Variants in ASTN2 observed in about 807,000 individuals in gnomAD.
The protein encoded by ASTN2 is astrotactin 2.
Under a neutral mutation model 139.8 loss-of-function variants are expected in ASTN2, and 54 were observed. That is an observed-to-expected ratio of 0.39 (90% CI 0.31 to 0.48). The LOEUF (loss-of-function observed/expected upper bound fraction) is 0.48, where lower values mean the gene tolerates loss of function less well. Ranked by LOEUF, ASTN2 falls within the 20% of genes least tolerant of loss-of-function variation. ASTN2 has a pLI of 0.95. For synonymous variants in ASTN2, 756 were observed against 719.5 expected (o/e 1.05, Z -0.81); for missense variants, 1,565 against 1,725.1 (o/e 0.91, Z 1.64).
At chr9:116,579,878 G>A (rs1334738300) in intron 19 of ASTN2, among the ~76,000 whole-genome samples, 1 of 152,050 alleles carries the variant, frequency 6.6e-6, no homozygotes, top group Non-Finnish European at 1.5e-5. Context: ...CTGGAGTGCA[G>A]TGGCGCGATC....
intron 16 of ASTN2, among the ~76,000 whole-genome samples, chr9:116,655,685 C>T (rs528024437): frequency 7.2e-5 from 11 of 152,068 alleles, no homozygotes; most frequent in Non-Finnish European, 1.2e-4. Flanking sequence ...ATGCCACTAA[C>T]GTACACCAAG....
chr9:116,524,277 C>G (rs1364032560), intron 19 of ASTN2, among the ~76,000 whole-genome samples: 2 of 152,114 alleles, frequency 1.3e-5, no homozygotes, highest in Non-Finnish European at 2.9e-5. Context: ...TATAGACTTA[C>G]CTAATAGGTG....
At chr9:116,440,911 A>G in intron 21 of ASTN2, 119 bp from the exon 22 acceptor site, 1 of 998,572 alleles carries the variant, frequency 1.0e-6, no homozygotes, top group South Asian at 1.7e-5. Flanking sequence ...AAGCTCTGGG[A>G]GCAGACAAAC....
At position 116,995,792 on chromosome 9, in the gene ASTN2, C is replaced by A. The variant is rs1416709323; in HGVS notation, c.1591+12300G>T. Among the ~76,000 whole-genome samples the A allele has an allele frequency of 3.3e-5, 5 of 152,130 alleles. No individual in the cohort carries two copies. The East Asian group carries it at 9.6e-4, about 29-fold the overall frequency. On this transcript the variant is annotated intron_variant, in intron 7 of 22. Coordinates refer to ENST00000313400, the MANE Select transcript of ASTN2 (RefSeq NM_001365068.1). ...ATGAGACGATAACACTATTTCATTA[C>A]ATTAATTCTAAGGCATGCAACTTCT... is the stretch of plus-strand genomic sequence containing the variant.
intron 10 of ASTN2, among the ~76,000 whole-genome samples, chr9:116,888,165 G>A (rs1387933486): frequency 1.3e-5 from 2 of 152,134 alleles, no homozygotes; most frequent in Non-Finnish European, 2.9e-5. Context: ...CAGATTGGGA[G>A]GCTGAGGTGG....
chr9:117,412,026 C>T (rs1410907097), intron 1 of ASTN2, among the ~76,000 whole-genome samples: 1 of 148,010 alleles, frequency 6.8e-6, no homozygotes, highest in African/African-American at 2.5e-5. Context: ...CAACCCCCAG[C>T]GGGCACCAAC....
chr9:116,604,269 G>A (rs767469059), intron 19 of ASTN2, among the ~76,000 whole-genome samples: 1 of 152,100 alleles, frequency 6.6e-6, no homozygotes, highest in Non-Finnish European at 1.5e-5. Context: ...TGGGTGGCAT[G>A]GGGGAATGAA....
At chr9:116,454,146 C>T (rs10817892) in intron 20 of ASTN2, among the ~76,000 whole-genome samples, 28,676 of 152,158 alleles carry the variant, frequency 0.19, 3,470 homozygotes, top group Admixed American at 0.35. Context: ...ACAATGAATT[C>T]TATAAGGTGG....
intron 3 of ASTN2, among the ~76,000 whole-genome samples, chr9:117,151,506 A>G (rs1012366558): frequency 1.3e-5 from 2 of 152,178 alleles, no homozygotes; most frequent in Admixed American, 6.5e-5. Flanking sequence ...TTAGTGGAAG[A>G]GGGAGGTAAA....
intron 20 of ASTN2, among the ~76,000 whole-genome samples, chr9:116,464,630 A>G (rs1848596937): frequency 6.6e-6 from 1 of 152,208 alleles, no homozygotes; most frequent in South Asian, 2.1e-4. Flanking sequence ...TGCATGTTGC[A>G]TATATGGGAG....
intron 13 of ASTN2, among the ~76,000 whole-genome samples, chr9:116,768,200 T>C (rs1346832676): frequency 1.3e-5 from 2 of 152,102 alleles, no homozygotes; most frequent in African/African-American, 4.8e-5. Flanking sequence ...GATTCCAATT[T>C]CTCACCACTC....
chr9:116,699,247 C>T lies in ASTN2; in HGVS notation c.2806+26524G>A. Reference sequence around the variant, plus strand: ...TGGTGTTTCACAGTTGATCGAGGATCAGGGGTGGTCAAATACAGCTGCCTA... The same window carrying T: ...TGGTGTTTCACAGTTGATCGAGGATTAGGGGTGGTCAAATACAGCTGCCTA... On this transcript the variant is annotated intron_variant, in intron 16 of 22. Transcript: ENST00000313400. The surrounding 1 kb of genome is among the most constrained non-coding windows in gnomAD (Gnocchi z 4.2). 1 of 1,614,224 alleles carries T rather than the reference C, an allele frequency of 6.2e-7. No homozygotes were observed. Among genetic ancestry groups the T allele is most frequent in the South Asian group, 1.1e-5 (1 of 91,090 alleles).
chr9:117,391,390 G>A lies in ASTN2; in HGVS notation c.442+23107C>T, dbSNP rs145610798. Among the ~76,000 whole-genome samples the A allele has an allele frequency of 1.6e-3, 238 of 152,280 alleles. 2 individuals carry two copies. Among genetic ancestry groups the A allele is most frequent in the African/African-American group, 5.2e-3 (216 of 41,562 alleles). ...GTGAGGCCTCACAGTTATGTCAGAC[G>A]GCAAGGAGGAGCAAGTCACATCTTA... On this transcript the variant is annotated intron_variant, in intron 1 of 22. Coordinates refer to ENST00000313400, the MANE Select transcript of ASTN2 (RefSeq NM_001365068.1).
intron 10 of ASTN2, among the ~76,000 whole-genome samples, chr9:116,953,014 C>T (rs1835609333): frequency 6.6e-6 from 1 of 152,180 alleles, no homozygotes; most frequent in South Asian, 2.1e-4. Context: ...TGTTCCTTAG[C>T]TTCTCTATTA....
chr9:116,948,404 T>C (rs537741492), intron 10 of ASTN2, among the ~76,000 whole-genome samples: 1 of 152,288 alleles, frequency 6.6e-6, no homozygotes, highest in East Asian at 1.9e-4. Context: ...GTACCAAATT[T>C]GACCAGTGGC....
chr9:116,571,668 T>C (rs1853522063), intron 19 of ASTN2, among the ~76,000 whole-genome samples: 1 of 152,180 alleles, frequency 6.6e-6, no homozygotes, highest in Non-Finnish European at 1.5e-5. Context: ...TCTGTGTGCC[T>C]GTGCTGTTTA....
intron 13 of ASTN2, among the ~76,000 whole-genome samples, chr9:116,784,292 A>G (rs1830302759): frequency 6.6e-6 from 1 of 152,128 alleles, no homozygotes; most frequent in African/African-American, 2.4e-5. Context: ...TTAAACCTCA[A>G]AGTTTTTACA....
At chr9:117,011,384 C>G (rs1358499803) in intron 6 of ASTN2, among the ~76,000 whole-genome samples, 1 of 152,140 alleles carries the variant, frequency 6.6e-6, no homozygotes, top group African/African-American at 2.4e-5. Flanking sequence ...CAGAGAGTTC[C>G]CTCACTCCTT....
At chr9:117,049,826 G>T (rs1212511963) in intron 5 of ASTN2, among the ~76,000 whole-genome samples, 1 of 152,144 alleles carries the variant, frequency 6.6e-6, no homozygotes, top group African/African-American at 2.4e-5. Flanking sequence ...ACTATTCAAC[G>T]TATATTTAGC....
Sources: allele counts gnomAD v4.1 joint callset (sites outside exome capture counted in the v4.1 genomes callset), GRCh38; gene constraint gnomAD v4.1.1; non-coding constraint Gnocchi (gnomAD v3.1); transcripts MANE v1.5; gene names NCBI Gene and HGNC (gene_info 2026-07-23, HGNC 2026-07-21).